The following SPC25 variants were observed in gnomAD, a reference collection of about 807,000 sequenced individuals.
SPC25 encodes SPC25 component of NDC80 kinetochore complex.
A neutral mutation model predicts 29.6 loss-of-function variants in SPC25; 22 were observed. The observed-to-expected ratio is 0.74, with a 90% CI of 0.53 to 1.06. SPC25 has a LOEUF of 1.06. Among genes scored for constraint, SPC25 ranks in the 50% least tolerant of loss-of-function variants. The pLI, the probability that SPC25 is intolerant of heterozygous loss-of-function variation, is 0.00. For missense variants in SPC25, 230 were observed against 255.8 expected, an observed-to-expected ratio of 0.90 and a Z score of 0.69; for synonymous variants, 91 against 90.4, an observed-to-expected ratio of 1.01 and a Z score of -0.04.
chr2:168,868,240 C>A (rs1441228047), downstream of SPC25, among the ~76,000 whole-genome samples: 4 of 152,082 alleles, frequency 2.6e-5, no homozygotes, highest in Non-Finnish European at 5.9e-5. Context: ...TAAATGCCCA[C>A]AAGAGAAAGC....
chr2:168,873,517 A>T (rs1690031395), intron 6 of SPC25, 68 bp downstream of exon 6: 2 of 1,102,964 alleles, frequency 1.8e-6, no homozygotes, highest in South Asian at 1.3e-5. Flanking sequence ...ATATTACTTT[A>T]TATGCTGATT....
chr2:168,863,922 T>TTA (rs1248617722), intron 4 of SPC25, among the ~76,000 whole-genome samples: 1 of 152,082 alleles, frequency 6.6e-6, no homozygotes, highest in African/African-American at 2.4e-5. Context: ...TTTTTATTTT[T>TTA]TTTTTTGAGG....
chr2:168,887,421 C>CAAAAAAAAAAAAAAAAAAAAAAAAA (rs5836211), intron 3 of SPC25, among the ~76,000 whole-genome samples: 17 of 131,412 alleles, frequency 1.3e-4, no homozygotes, highest in African/African-American at 4.6e-4. Context: ...GACTCCATCT[C>CAAAAAAAAAAAAAAAAAAAAAAAAA]AAAAAAAAAA....
rs1248218685 is a variant in SPC25 at position 168,889,232 on chromosome 2, G to A, written c.193C>T (p.Gln65Ter). The A allele has an allele frequency of 6.2e-7, 1 of 1,611,044 alleles. No homozygotes were observed. Among genetic ancestry groups the A allele is most frequent in the Non-Finnish European group, 8.5e-7 (1 of 1,179,066 alleles). ...TTTATACTTTTTCACATACGATTTT[G>A]ATATTCCAGAAACATCTCAACCATT... is the stretch of plus-strand genomic sequence containing the variant. Reference protein sequence around the residue: ...ERMVEMFLEYQNQISRQNKLI... With the variant: ...ERMVEMFLEY The change falls in exon 3 of 7, where the codon CAA becomes TAA. Residue 65 changes from glutamine (Q) to a stop codon, truncating the protein, a stop_gained. Coordinates refer to ENST00000282074, the MANE Select transcript of SPC25 (RefSeq NM_020675.4). LOFTEE classifies it high-confidence loss of function.
downstream of SPC25, among the ~76,000 whole-genome samples, chr2:168,869,204 T>C (rs1689931765): frequency 6.6e-6 from 1 of 152,176 alleles, no homozygotes; most frequent in South Asian, 2.1e-4. Context: ...ATGGGATGTA[T>C]CTCAAAATAA....
At chr2:168,870,661 C>T (rs1263664628), downstream of SPC25, among the ~76,000 whole-genome samples, 3 of 151,504 alleles carry the variant, frequency 2.0e-5, no homozygotes, top group East Asian at 5.8e-4. Context: ...AATGAGATAC[C>T]ATCTCACACC....
At chr2:168,885,910 G>T (rs1690253027) in intron 3 of SPC25, among the ~76,000 whole-genome samples, 1 of 152,138 alleles carries the variant, frequency 6.6e-6, no homozygotes, top group Non-Finnish European at 1.5e-5. Flanking sequence ...TATGCAAAGA[G>T]CTTAGAACAG....
At chr2:168,863,751 A>G (rs975035598) in intron 4 of SPC25, 40 of 713,924 alleles carry the variant, frequency 5.6e-5, no homozygotes, top group Non-Finnish European at 6.7e-5. Context: ...ACTGTTGGTG[A>G]GACATACTTA....
downstream of SPC25, among the ~76,000 whole-genome samples, chr2:168,867,965 C>A (rs544008473): frequency 4.9e-3 from 750 of 152,332 alleles, 12 homozygotes; most frequent in African/African-American, 0.017. Context: ...TAAAGCACTC[C>A]TCAGCAAATG....
chr2:168,889,645 CTTATCT>C (rs1052576479), intron 1 of SPC25, 112 bp from the exon 2 acceptor site: 5 of 1,109,602 alleles, frequency 4.5e-6, no homozygotes, highest in Admixed American at 5.1e-5. Flanking sequence ...AAAATAGCAA[CTTATCT>C]TTAATTCTAG....
chr2:168,866,487 T>G (rs1376789550), downstream of SPC25, among the ~76,000 whole-genome samples: 2 of 152,238 alleles, frequency 1.3e-5, no homozygotes, highest in African/African-American at 4.8e-5. Flanking sequence ...CAAGATGGAT[T>G]AAAGACTTAC....
chr2:168,885,367 T>C lies in SPC25; in HGVS notation c.199+3859A>G, dbSNP rs544706890. Among the ~76,000 whole-genome samples the C allele has an allele frequency of 2.0e-5, 3 of 152,340 alleles. No individual in the cohort carries two copies. In the East Asian group the frequency reaches 5.8e-4, roughly 29 times the overall value. On this transcript the variant is annotated intron_variant, in intron 3 of 6. Transcript: ENST00000282074. Reference sequence around the variant, plus strand: ...TCATTATGTGCCTGTACTATTACACTAAATTTTTCCTTTAACTGGTCTCTT... The same window carrying C: ...TCATTATGTGCCTGTACTATTACACCAAATTTTTCCTTTAACTGGTCTCTT...
intron 3 of SPC25, among the ~76,000 whole-genome samples, chr2:168,878,028 A>G (rs1183637493): frequency 6.6e-6 from 1 of 152,172 alleles, no homozygotes; most frequent in Non-Finnish European, 1.5e-5. Flanking sequence ...ATGGTTTTAA[A>G]CAGTGCTTTG....
At chr2:168,861,903 G>T in intron 4 of SPC25, 1 of 1,483,328 alleles carries the variant, frequency 6.7e-7, no homozygotes, top group Non-Finnish European at 9.4e-7. Flanking sequence ...AAGAGCTTCA[G>T]CTCATATTCA....
At chr2:168,867,688 A>C (rs1192198401), downstream of SPC25, among the ~76,000 whole-genome samples, 1 of 152,276 alleles carries the variant, frequency 6.6e-6, no homozygotes, top group Non-Finnish European at 1.5e-5. Flanking sequence ...AGAACTAACT[A>C]TCCTAAATAT....
chr2:168,876,043 C>T (rs575289111), intron 5 of SPC25, 29 bp downstream of exon 5: 2 of 1,290,972 alleles, frequency 1.5e-6, no homozygotes, highest in Non-Finnish European at 2.1e-6. Context: ...TTGTAATCTC[C>T]TATATTTTAT....
intron 3 of SPC25, among the ~76,000 whole-genome samples, chr2:168,887,649 T>C (rs1402173838): frequency 1.3e-5 from 2 of 152,138 alleles, no homozygotes; most frequent in African/African-American, 4.8e-5. Context: ...CAAGTATCTC[T>C]AGTGGAATTT....
At chr2:168,863,324 CTAAGAAAAT>C (rs1689597159) in intron 4 of SPC25, 7 of 832,800 alleles carry the variant, frequency 8.4e-6, no homozygotes, top group Non-Finnish European at 1.0e-5. Flanking sequence ...TGATTTATGA[CTAAGAAAAT>C]GTAGAAAAGA....
downstream of SPC25, among the ~76,000 whole-genome samples, chr2:168,868,411 C>A (rs1291204074): frequency 2.0e-5 from 3 of 152,016 alleles, no homozygotes; most frequent in African/African-American, 4.8e-5. Flanking sequence ...ATCAATGAAT[C>A]CAGGAGCTGG....
Sources: gnomAD v4.1 joint callset for allele counts (sites outside exome capture counted in the v4.1 genomes callset) on GRCh38, gnomAD v4.1.1 for gene constraint, MANE v1.5 for transcripts, NCBI Gene and HGNC (gene_info 2026-07-23, HGNC 2026-07-21) for gene names.